FHIT: variants seen among roughly 807,000 people sequenced by gnomAD.
FHIT encodes the protein fragile histidine triad diadenosine triphosphatase.
In FHIT, 19 loss-of-function variants were observed where a neutral mutation model predicts 17.9. That is an observed-to-expected ratio of 1.06 (90% CI 0.74 to 1.56). The LOEUF is 1.56. FHIT is among the 40% of genes most tolerant of loss of function. FHIT has a pLI of 0.00. For synonymous variants in FHIT, 81 were observed against 69.7 expected, an observed-to-expected ratio of 1.16 and a Z score of -0.81; for missense variants, 248 against 189.2, an observed-to-expected ratio of 1.31 and a Z score of -1.82.
At chr3:59,955,476 G>C (rs574567465) in intron 7 of FHIT, among the ~76,000 whole-genome samples, 1 of 151,988 alleles carries the variant, frequency 6.6e-6, no homozygotes, top group Non-Finnish European at 1.5e-5. Flanking sequence ...CAGCCCCTCC[G>C]CTTTACACAC....
chr3:59,962,449 G>C (rs572664685), intron 7 of FHIT, among the ~76,000 whole-genome samples: 6 of 152,154 alleles, frequency 3.9e-5, no homozygotes, highest in Non-Finnish European at 7.4e-5. Flanking sequence ...CTAACTCTAA[G>C]CATAAATCAA....
chr3:60,047,385 A>C (rs534532490), intron 5 of FHIT, among the ~76,000 whole-genome samples: 5 of 152,332 alleles, frequency 3.3e-5, no homozygotes, highest in African/African-American at 1.2e-4. Context: ...ACATTTACAC[A>C]TATGGACACT....
chr3:60,785,924 CACACACACACAG>C (rs879993664), intron 4 of FHIT, among the ~76,000 whole-genome samples: 94 of 117,592 alleles, frequency 8.0e-4, no homozygotes, highest in Non-Finnish European at 1.2e-3. Context: ...CACACACACA[CACACACACACAG>C]AGAGAGTACT....
chr3:60,071,794 G>A (rs1702783799), intron 5 of FHIT, among the ~76,000 whole-genome samples: 1 of 152,198 alleles, frequency 6.6e-6, no homozygotes, highest in Non-Finnish European at 1.5e-5. Context: ...TGGACCCGGT[G>A]AGAGGTAATT....
chr3:60,435,477 A>G (rs940733984), intron 5 of FHIT, among the ~76,000 whole-genome samples: 1 of 152,018 alleles, frequency 6.6e-6, no homozygotes, highest in Non-Finnish European at 1.5e-5. Flanking sequence ...TTTATGAAGA[A>G]TGGTGCACAC....
intron 5 of FHIT, among the ~76,000 whole-genome samples, chr3:60,480,171 C>T (rs1232098077): frequency 1.3e-5 from 2 of 152,046 alleles, no homozygotes; most frequent in South Asian, 2.1e-4. Flanking sequence ...AGAGAGAAAA[C>T]CAGCAGGGGA....
At chr3:60,789,183 G>T (rs988326402) in intron 4 of FHIT, among the ~76,000 whole-genome samples, 7 of 147,906 alleles carry the variant, frequency 4.7e-5, no homozygotes, top group South Asian at 2.1e-4. Flanking sequence ...TATAGAGAGA[G>T]AGAGAGAGAG....
At chr3:59,863,075 G>A (rs560691147) in intron 8 of FHIT, among the ~76,000 whole-genome samples, 5 of 152,284 alleles carry the variant, frequency 3.3e-5, no homozygotes, top group Admixed American at 6.5e-5. Flanking sequence ...AGTCCTATCC[G>A]AGGAATAGTC....
intron 2 of FHIT, among the ~76,000 whole-genome samples, chr3:61,045,767 A>C (rs569953039): frequency 6.6e-6 from 1 of 152,212 alleles, no homozygotes; most frequent in African/African-American, 2.4e-5. Flanking sequence ...AATGTAAAAG[A>C]ACAGAAATTA....
At chr3:61,042,723 C>T (rs866593482) in intron 2 of FHIT, among the ~76,000 whole-genome samples, 65 of 151,878 alleles carry the variant, frequency 4.3e-4, no homozygotes, top group Middle Eastern at 6.8e-3. Flanking sequence ...ACCTGTAATG[C>T]CAGCTACTTG....
intron 8 of FHIT, among the ~76,000 whole-genome samples, chr3:59,773,043 G>T (rs1354489740): frequency 6.6e-6 from 1 of 152,174 alleles, no homozygotes; most frequent in African/African-American, 2.4e-5. Context: ...AACAAACAAT[G>T]CTCATCTCCC....
At chr3:60,785,926 C>G (rs1158618544) in intron 4 of FHIT, among the ~76,000 whole-genome samples, 1 of 119,484 alleles carries the variant, frequency 8.4e-6, no homozygotes, top group Non-Finnish European at 1.9e-5. Context: ...CACACACACA[C>G]ACACACACAG....
At chr3:60,598,925 G>A (rs2107709755) in intron 4 of FHIT, among the ~76,000 whole-genome samples, 1 of 152,322 alleles carries the variant, frequency 6.6e-6, no homozygotes, top group Middle Eastern at 3.4e-3. Flanking sequence ...TTCTAGCAAT[G>A]CCAAATCACT....
chr3:60,962,073 C>T (rs1553781169), intron 3 of FHIT, among the ~76,000 whole-genome samples: 1 of 152,146 alleles, frequency 6.6e-6, no homozygotes, highest in East Asian at 1.9e-4. Flanking sequence ...GTGGAATGTT[C>T]TTCCATTTGT....
intron 4 of FHIT, among the ~76,000 whole-genome samples, chr3:60,672,181 G>A (rs1412802640): frequency 3.3e-5 from 5 of 152,000 alleles, no homozygotes; most frequent in Non-Finnish European, 7.4e-5. Context: ...CATATTATTG[G>A]GTTTTATTTA....
chr3:60,432,548 T>C (rs183913455), intron 5 of FHIT, among the ~76,000 whole-genome samples: 3 of 152,184 alleles, frequency 2.0e-5, no homozygotes, highest in South Asian at 2.1e-4. Flanking sequence ...TTTTAAAAGC[T>C]TCTGAGGATG....
At chr3:60,254,537 C>T (rs936108270) in intron 5 of FHIT, among the ~76,000 whole-genome samples, 1 of 152,076 alleles carries the variant, frequency 6.6e-6, no homozygotes, top group African/African-American at 2.4e-5. Context: ...TGTTCTATTC[C>T]TCTAACAAAA....
intron 3 of FHIT, among the ~76,000 whole-genome samples, chr3:60,829,303 G>T (rs1407582755): frequency 6.6e-6 from 1 of 152,182 alleles, no homozygotes; most frequent in African/African-American, 2.4e-5. Flanking sequence ...ATCACAGAGA[G>T]ATTTCACCTG....
chr3:60,372,193 A>C (rs1161824102), intron 5 of FHIT, among the ~76,000 whole-genome samples: 1 of 152,194 alleles, frequency 6.6e-6, no homozygotes, highest in Non-Finnish European at 1.5e-5. Context: ...TAGCCTAAAA[A>C]GTCTGAGAAA....
Sources: allele counts gnomAD v4.1 joint callset (sites outside exome capture counted in the v4.1 genomes callset), GRCh38; gene constraint gnomAD v4.1.1; transcripts MANE v1.5; gene names NCBI Gene and HGNC (gene_info 2026-07-23, HGNC 2026-07-21).